Variants in FRY observed in about 807,000 individuals in gnomAD.
FRY encodes the protein FRY microtubule binding protein.
Under a neutral mutation model 348.4 loss-of-function variants are expected in FRY, and 128 were observed. The ratio of observed to expected loss-of-function variants is 0.37; its 90% confidence interval spans 0.32 to 0.43. The LOEUF (loss-of-function observed/expected upper bound fraction) is 0.43, where lower values mean the gene tolerates loss of function less well. Ranked by LOEUF, FRY falls within the 20% of genes least tolerant of loss-of-function variation. FRY has a pLI of 1.00. For missense variants in FRY, 2,736 were observed against 3,695.2 expected, an observed-to-expected ratio of 0.74 and a Z score of 6.73; for synonymous variants, 1,370 against 1,374.7, an observed-to-expected ratio of 1.00 and a Z score of 0.08.
chr13:32,084,083 G>T (rs561708560), intron 2 of FRY, among the ~76,000 whole-genome samples: 1 of 151,864 alleles, frequency 6.6e-6, no homozygotes, highest in African/African-American at 2.4e-5. Context: ...CACTTACTCC[G>T]TGTGAGCTTT....
At chr13:32,167,311 T>C (rs931753070) in intron 17 of FRY, among the ~76,000 whole-genome samples, 9 of 152,314 alleles carry the variant, frequency 5.9e-5, no homozygotes, top group Admixed American at 2.6e-4. Context: ...GATCAAGGTG[T>C]CAGCAGGGTT....
intron 2 of FRY, among the ~76,000 whole-genome samples, chr13:32,083,052 C>T (rs558370828): frequency 6.6e-6 from 1 of 152,076 alleles, no homozygotes; most frequent in African/African-American, 2.4e-5. Flanking sequence ...TCCCTCTTCT[C>T]TTTTTCTGGT....
intron 50 of FRY, among the ~76,000 whole-genome samples, chr13:32,253,946 T>C (rs1038065837): frequency 1.3e-5 from 2 of 151,060 alleles, no homozygotes; most frequent in African/African-American, 2.4e-5. Context: ...CACACACACA[T>C]ACACACACAC....
intron 35 of FRY, among the ~76,000 whole-genome samples, chr13:32,213,759 T>C (rs978355905): frequency 1.3e-5 from 2 of 152,242 alleles, no homozygotes; most frequent in Admixed American, 6.5e-5. Context: ...TAGATCTCCA[T>C]GTATTACCAT....
chr13:32,179,125 C>T (rs954130115), intron 22 of FRY, 92 bp downstream of exon 22: 16 of 894,098 alleles, frequency 1.8e-5, no homozygotes, highest in Non-Finnish European at 2.7e-5. Context: ...CTGTGCCTGC[C>T]ATCTGGAGTA....
At chr13:32,252,065 A>G (rs1887112045) in intron 50 of FRY, 113 bp downstream of exon 50, 1 of 784,076 alleles carries the variant, frequency 1.3e-6, no homozygotes, top group African/African-American at 1.7e-5. Flanking sequence ...GACAAGTATG[A>G]TAGCCACCGT....
intron 18 of FRY, 76 bp downstream of exon 18, chr13:32,171,346 C>T (rs1165494918): frequency 1.6e-5 from 21 of 1,296,822 alleles, no homozygotes; most frequent in Non-Finnish European, 2.0e-5. Flanking sequence ...CAGTCTTACT[C>T]TGTTGCCCAG....
intron 23 of FRY, among the ~76,000 whole-genome samples, chr13:32,180,407 G>A (rs1444255043): frequency 6.6e-6 from 1 of 152,018 alleles, no homozygotes; most frequent in African/African-American, 2.4e-5. Context: ...GCTAATGTTT[G>A]TATTTATAGT....
At chr13:32,249,814 G>T (rs1886988969) in intron 49 of FRY, 127 bp downstream of exon 49, 1 of 792,556 alleles carries the variant, frequency 1.3e-6, no homozygotes, top group South Asian at 1.5e-5. Context: ...CACTTCCAGG[G>T]ATGGGGTCTT....
chr13:32,261,366 A>G (rs1887636081), intron 51 of FRY: 4 of 627,734 alleles, frequency 6.4e-6, no homozygotes, highest in Non-Finnish European at 1.1e-5. Context: ...AAAAAATGTA[A>G]TTATTACCCA....
At position 32,076,339 on chromosome 13, in the gene FRY, A is replaced by G. The variant is rs531943623; in HGVS notation, c.71-2495A>G. Among the ~76,000 whole-genome samples the G allele has an allele frequency of 2.0e-5, 3 of 152,346 alleles. No homozygotes were observed. The East Asian group carries it at 5.8e-4, about 29-fold the overall frequency. ...CTCCAAATAGACATTTTAGGTTTAT[A>G]TCCCAGTCTCTGGTTCTGTGGCATG... On this transcript the variant is annotated intron_variant, in intron 1 of 60. Coordinates refer to ENST00000542859, the MANE Select transcript of FRY (RefSeq NM_023037.3).
intron 4 of FRY, among the ~76,000 whole-genome samples, chr13:32,118,372 G>T (rs1878443330): frequency 6.6e-6 from 1 of 152,080 alleles, no homozygotes; most frequent in Admixed American, 6.5e-5. Flanking sequence ...TACTTTTTGT[G>T]AATGATTTAT....
chr13:32,200,428 A>G (rs1883950268), intron 29 of FRY, among the ~76,000 whole-genome samples: 1 of 152,218 alleles, frequency 6.6e-6, no homozygotes, highest in African/African-American at 2.4e-5. Context: ...AAACCGTTTA[A>G]TAGTTCAACT....
chr13:32,124,585 C>A lies in FRY; in HGVS notation c.556-17C>A. 6.7e-7 allele frequency: 1 copy of A among 1,494,992 alleles called. No individual in the cohort carries two copies. The highest frequency in any genetic ancestry group is 9.3e-7 in the Non-Finnish European group (1 of 1,072,820). The allele number at this position is 1,494,992 out of a possible 1,614,324, so 92.6% of individuals were successfully genotyped here. On this transcript the variant is annotated splice_polypyrimidine_tract_variant and intron_variant, in intron 5 of 60. Transcript: ENST00000542859. The stretch of plus-strand genomic sequence containing the variant: ...TTAATATTCCCTTCTGAGTTAAGAA[C>A]CACCTTTTTTTTTCAGATTCCACTT...
At chr13:32,115,486 T>C (rs562614989) in intron 3 of FRY, among the ~76,000 whole-genome samples, 1 of 152,298 alleles carries the variant, frequency 6.6e-6, no homozygotes, top group South Asian at 2.1e-4. Context: ...CTTATGTCCC[T>C]ATTCAAAAAT....
intron 11 of FRY, among the ~76,000 whole-genome samples, chr13:32,142,632 A>G (rs1880147675): frequency 6.6e-6 from 1 of 152,210 alleles, no homozygotes; most frequent in Admixed American, 6.5e-5. Flanking sequence ...CAAGTGCAAG[A>G]TATTTATTAC....
At chr13:32,189,129 T>G (rs937097436) in intron 28 of FRY, among the ~76,000 whole-genome samples, 4 of 152,122 alleles carry the variant, frequency 2.6e-5, no homozygotes, top group Non-Finnish European at 5.9e-5. Context: ...GCCCCATACA[T>G]TTTTTTAAAG....
At chr13:32,294,235 C>G in intron 59 of FRY, 133 bp from the exon 60 acceptor site, 1 of 681,154 alleles carries the variant, frequency 1.5e-6, no homozygotes, top group Non-Finnish European at 2.6e-6. Context: ...ACAATGTCAT[C>G]TATCCTATCT....
intron 57 of FRY, among the ~76,000 whole-genome samples, 165 bp downstream of exon 57, chr13:32,276,727 T>C (rs1045442849): frequency 6.6e-6 from 1 of 152,230 alleles, no homozygotes; most frequent in African/African-American, 2.4e-5. Flanking sequence ...CTGTATACAA[T>C]ATTAATTATA....
Sources: allele counts gnomAD v4.1 joint callset (sites outside exome capture counted in the v4.1 genomes callset), GRCh38; gene constraint gnomAD v4.1.1; transcripts MANE v1.5; gene names NCBI Gene and HGNC (gene_info 2026-07-23, HGNC 2026-07-21).